The following PIP5K1B variants were observed in gnomAD, a reference collection of about 807,000 sequenced individuals.
PIP5K1B encodes the protein phosphatidylinositol 4-phosphate 5-kinase type-1 beta.
Under a neutral mutation model 67.0 loss-of-function variants are expected in PIP5K1B, and 42 were observed. That is an observed-to-expected ratio of 0.63 (90% CI 0.49 to 0.81). The LOEUF (loss-of-function observed/expected upper bound fraction) is 0.81, where lower values mean the gene tolerates loss of function less well. Ranked by LOEUF, PIP5K1B falls within the 30% of genes least tolerant of loss-of-function variation. The pLI, the probability that PIP5K1B is intolerant of heterozygous loss-of-function variation, is 0.00. For missense variants in PIP5K1B, 459 were observed against 646.3 expected, an observed-to-expected ratio of 0.71 and a Z score of 3.14; for synonymous variants, 214 against 231.4, an observed-to-expected ratio of 0.92 and a Z score of 0.68.
chr9:68,832,347 C>T (rs1834367637), intron 4 of PIP5K1B, among the ~76,000 whole-genome samples: 1 of 152,314 alleles, frequency 6.6e-6, no homozygotes, highest in South Asian at 2.1e-4. Flanking sequence ...AGTCACAACT[C>T]AATAATAATC....
intron 14 of PIP5K1B, among the ~76,000 whole-genome samples, chr9:68,963,630 C>T (rs1033118990): frequency 1.3e-5 from 2 of 152,162 alleles, no homozygotes; most frequent in East Asian, 3.8e-4. Flanking sequence ...CGTTTGATGT[C>T]CCTGCCAATG....
At chr9:68,788,765 C>A in intron 2 of PIP5K1B, 2 of 264,598 alleles carry the variant, frequency 7.6e-6, no homozygotes, top group South Asian at 5.1e-5. Flanking sequence ...TGGTCTTCCC[C>A]ATTGCCTGCT....
At chr9:68,928,257 T>C (rs1826809934) in intron 12 of PIP5K1B, among the ~76,000 whole-genome samples, 1 of 152,210 alleles carries the variant, frequency 6.6e-6, no homozygotes, top group Non-Finnish European at 1.5e-5. Flanking sequence ...AGCTACTCTT[T>C]TTCATACTGT....
At chr9:68,709,613 A>G (rs1037279199) in intron 1 of PIP5K1B, among the ~76,000 whole-genome samples, 1 of 152,156 alleles carries the variant, frequency 6.6e-6, no homozygotes, top group East Asian at 1.9e-4. Flanking sequence ...CTTTGCTCCA[A>G]TCAGTGCTGG....
At position 68,731,414 on chromosome 9, in the gene PIP5K1B, A is replaced by G. The variant is rs192409123; in HGVS notation, c.-242-11087A>G. 7.2e-4 allele frequency among the ~76,000 whole-genome samples: 110 copies of G among 152,316 alleles called. 3 individuals carry two copies. Among genetic ancestry groups the G allele is most frequent in the Non-Finnish European group, 1.3e-3 (90 of 68,026 alleles). On this transcript the variant is annotated intron_variant, in intron 1 of 15. Transcript: ENST00000265382. ...AGGCTGATGTTGACCACTTCCATAG[A>G]TTATTGAGAGGGTTAACCGAGATAA...
chr9:68,965,819 C>T (rs1828994382), intron 14 of PIP5K1B, among the ~76,000 whole-genome samples: 1 of 151,708 alleles, frequency 6.6e-6, no homozygotes, highest in Non-Finnish European at 1.5e-5. Context: ...TACAAAAATT[C>T]GCCAGGCATG....
chr9:68,875,368 G>C (rs898062683), intron 5 of PIP5K1B, among the ~76,000 whole-genome samples: 2 of 144,968 alleles, frequency 1.4e-5, no homozygotes, highest in African/African-American at 2.5e-5. Flanking sequence ...TAGTTGCGTT[G>C]GTTATATTGA....
intron 14 of PIP5K1B, among the ~76,000 whole-genome samples, chr9:68,954,393 G>T (rs1030280525): frequency 1.3e-4 from 20 of 152,162 alleles, no homozygotes; most frequent in African/African-American, 4.6e-4. Context: ...TACAGATTAA[G>T]AGAGGCCCAG....
At chr9:68,812,958 A>G (rs1487102204) in intron 2 of PIP5K1B, among the ~76,000 whole-genome samples, 1 of 152,248 alleles carries the variant, frequency 6.6e-6, no homozygotes, top group Non-Finnish European at 1.5e-5. Flanking sequence ...GTTTCCAGAC[A>G]GAGAAAACCA....
chr9:68,950,647 A>T (rs1431311282), intron 14 of PIP5K1B, among the ~76,000 whole-genome samples: 2 of 152,206 alleles, frequency 1.3e-5, no homozygotes, highest in Non-Finnish European at 2.9e-5. Context: ...AGTTCTGGCC[A>T]TGTCTCCTCC....
chr9:68,729,249 A>G (rs994471766), intron 1 of PIP5K1B, among the ~76,000 whole-genome samples: 4 of 152,220 alleles, frequency 2.6e-5, no homozygotes, highest in African/African-American at 9.6e-5. Context: ...ATTTATATCC[A>G]AATATATTCA....
chr9:68,804,050 G>A (rs1020251236), intron 2 of PIP5K1B, among the ~76,000 whole-genome samples: 14 of 152,122 alleles, frequency 9.2e-5, no homozygotes, highest in Middle Eastern at 3.2e-3. Context: ...CTCCATGAGC[G>A]TGTGGAGGGG....
chr9:68,916,589 G>T (rs1442313714), intron 8 of PIP5K1B, among the ~76,000 whole-genome samples: 3 of 151,958 alleles, frequency 2.0e-5, no homozygotes, highest in Admixed American at 6.6e-5. Context: ...GACAGACTTT[G>T]AGGGCTGGGT....
intron 2 of PIP5K1B, among the ~76,000 whole-genome samples, chr9:68,790,781 T>G (rs1015714016): frequency 6.6e-6 from 1 of 152,230 alleles, no homozygotes; most frequent in Non-Finnish European, 1.5e-5. Flanking sequence ...ATGTAGGTAC[T>G]ATATAGATAG....
chr9:68,871,243 C>T (rs903565916), intron 5 of PIP5K1B, among the ~76,000 whole-genome samples: 2 of 151,730 alleles, frequency 1.3e-5, no homozygotes, highest in African/African-American at 4.9e-5. Flanking sequence ...AAACTTGTAA[C>T]AGAATCCTGA....
chr9:68,830,499 G>A (rs140670413), intron 4 of PIP5K1B, among the ~76,000 whole-genome samples: 21 of 152,320 alleles, frequency 1.4e-4, no homozygotes, highest in Non-Finnish European at 2.5e-4. Flanking sequence ...ACCTCTTTCA[G>A]CATTCGCTTT....
At chr9:68,722,709 T>C (rs996757244) in intron 1 of PIP5K1B, among the ~76,000 whole-genome samples, 8 of 151,728 alleles carry the variant, frequency 5.3e-5, no homozygotes, top group African/African-American at 1.7e-4. Flanking sequence ...GTTGTAGATA[T>C]GTTTGGGGTA....
At chr9:68,855,806 A>C (rs1399273131) in intron 4 of PIP5K1B, among the ~76,000 whole-genome samples, 1 of 152,194 alleles carries the variant, frequency 6.6e-6, no homozygotes, top group Non-Finnish European at 1.5e-5. Context: ...GAAATGATAC[A>C]GTTTGTGGGT....
At chr9:68,809,211 G>T (rs1025181446) in intron 2 of PIP5K1B, among the ~76,000 whole-genome samples, 1 of 151,722 alleles carries the variant, frequency 6.6e-6, no homozygotes, top group Non-Finnish European at 1.5e-5. Flanking sequence ...TCAGTTTGGT[G>T]TTTTTTTTGT....
Sources: allele counts gnomAD v4.1 joint callset (sites outside exome capture counted in the v4.1 genomes callset), GRCh38; gene constraint gnomAD v4.1.1; transcripts MANE v1.5; gene names NCBI Gene and HGNC (gene_info 2026-07-23, HGNC 2026-07-21).